The following LRRTM3 variants were observed in gnomAD, a reference collection of about 807,000 sequenced individuals.
LRRTM3 encodes leucine-rich repeat transmembrane neuronal protein 3.
Under a neutral mutation model 44.7 loss-of-function variants are expected in LRRTM3, and 24 were observed. That is an observed-to-expected ratio of 0.54 (90% CI 0.39 to 0.76). LRRTM3 has a LOEUF of 0.76. Ranked by LOEUF, LRRTM3 falls within the 30% of genes least tolerant of loss-of-function variation. The probability of loss-of-function intolerance (pLI) is 0.00; values close to 1 mark genes in which losing one functional copy is unlikely to be tolerated. For missense variants in LRRTM3, 587 were observed against 702.2 expected (o/e 0.84, Z 1.85); for synonymous variants, 277 against 278.7 (o/e 0.99, Z 0.06).
intron 2 of LRRTM3, among the ~76,000 whole-genome samples, chr10:66,976,686 T>C (rs1174595515): frequency 6.6e-6 from 1 of 152,222 alleles, no homozygotes; most frequent in Non-Finnish European, 1.5e-5. Flanking sequence ...TCTGCCACAC[T>C]GATCTATTTA....
rs190008873 is a variant in LRRTM3, at chr10:67,097,489, C to A, written c.1537-98C>A. On this transcript the variant is annotated intron_variant, in intron 2 of 2. Coordinates refer to ENST00000361320, the MANE Select transcript of LRRTM3 (RefSeq NM_178011.5). ...TGGGCCACAGGGCCACAGATATAAC[C>A]ATGGAGGTTAGTCAGGTCAGCACTT... 2.1e-4 allele frequency: 212 copies of A among 1,024,988 alleles called. 2 individuals carry two copies. The East Asian group carries it at 4.2e-3, about 20-fold the overall frequency. The allele number at this position is 1,024,988 out of a possible 1,614,324, so 63.5% of individuals were successfully genotyped here.
At chr10:67,067,995 T>G (rs1856197237) in intron 2 of LRRTM3, among the ~76,000 whole-genome samples, 1 of 152,182 alleles carries the variant, frequency 6.6e-6, no homozygotes, top group African/African-American at 2.4e-5. Context: ...AGTGTCAAAT[T>G]AGTAGGTAAT....
chr10:67,058,090 C>T (rs1443382953), intron 2 of LRRTM3, among the ~76,000 whole-genome samples: 1 of 152,148 alleles, frequency 6.6e-6, no homozygotes, highest in Non-Finnish European at 1.5e-5. Context: ...TTCTTGCATG[C>T]TGGTGTCTCT....
chr10:67,049,304 T>C (rs1204920630), intron 2 of LRRTM3, among the ~76,000 whole-genome samples: 1 of 152,056 alleles, frequency 6.6e-6, no homozygotes, highest in Non-Finnish European at 1.5e-5. Context: ...CAACCAATGA[T>C]GAAGGCTCAA....
Position 67,045,527 on chromosome 10 carries a change from C to T in LRRTM3, c.1537-52060C>T, listed in dbSNP as rs561252525. 2.3e-4 allele frequency among the ~76,000 whole-genome samples: 35 copies of T among 152,258 alleles called. No individual in the cohort carries two copies. In the South Asian group the frequency reaches 7.0e-3, roughly 31 times the overall value. ...AACTGTTCTGCTACGTAGGAAACCC[C>T]GACCCAGAAGCAGATAGTCTACGAA... is the stretch of plus-strand genomic sequence containing the variant. On this transcript the variant is annotated intron_variant, in intron 2 of 2. Coordinates refer to ENST00000361320, the MANE Select transcript of LRRTM3 (RefSeq NM_178011.5).
intron 2 of LRRTM3, among the ~76,000 whole-genome samples, chr10:67,069,401 A>C (rs943642625): frequency 6.6e-6 from 1 of 152,122 alleles, no homozygotes; most frequent in African/African-American, 2.4e-5. Context: ...TTATTAACTC[A>C]AAAAACGCTC....
At chr10:66,933,833 T>C (rs1847542606) in intron 2 of LRRTM3, among the ~76,000 whole-genome samples, 1 of 152,198 alleles carries the variant, frequency 6.6e-6, no homozygotes, top group Non-Finnish European at 1.5e-5. Flanking sequence ...ATGTAGCTGC[T>C]CTTACCAATA....
intron 2 of LRRTM3, among the ~76,000 whole-genome samples, chr10:66,989,092 G>A (rs889451769): frequency 6.6e-6 from 1 of 151,922 alleles, no homozygotes; most frequent in African/African-American, 2.4e-5. Context: ...GTATTTCCTG[G>A]AAATTGTATC....
intron 2 of LRRTM3, among the ~76,000 whole-genome samples, chr10:67,039,433 T>C (rs1434422054): frequency 6.6e-6 from 1 of 152,130 alleles, no homozygotes; most frequent in Non-Finnish European, 1.5e-5. Context: ...CATTCGAATG[T>C]TCAGAAATTC....
At chr10:67,035,334 T>A (rs930864865) in intron 2 of LRRTM3, among the ~76,000 whole-genome samples, 1 of 152,190 alleles carries the variant, frequency 6.6e-6, no homozygotes, top group African/African-American at 2.4e-5. Flanking sequence ...TGTCAAAATA[T>A]AATGTTGAGA....
intron 2 of LRRTM3, among the ~76,000 whole-genome samples, chr10:66,984,146 C>T (rs534433846): frequency 1.4e-3 from 84 of 61,258 alleles, no homozygotes; most frequent in African/African-American, 2.9e-3. Flanking sequence ...AGGAGTCATC[C>T]GCTACCAAAA....
At chr10:67,040,354 T>C (rs969786234) in intron 2 of LRRTM3, among the ~76,000 whole-genome samples, 1 of 152,070 alleles carries the variant, frequency 6.6e-6, no homozygotes, top group Non-Finnish European at 1.5e-5. Flanking sequence ...ACAACCTCAG[T>C]AGTAACTAGG....
chr10:67,078,152 A>G (rs564894772), intron 2 of LRRTM3, among the ~76,000 whole-genome samples: 1 of 152,308 alleles, frequency 6.6e-6, no homozygotes, highest in Admixed American at 6.5e-5. Flanking sequence ...AGGTATTCTG[A>G]AAGTCTCCAA....
intron 2 of LRRTM3, among the ~76,000 whole-genome samples, chr10:67,002,689 T>C (rs1453935499): frequency 6.6e-6 from 1 of 152,108 alleles, no homozygotes; most frequent in African/African-American, 2.4e-5. Context: ...TAAAACTTGT[T>C]TCCAAAAATC....
At chr10:67,075,796 G>A (rs1330188170) in intron 2 of LRRTM3, among the ~76,000 whole-genome samples, 1 of 152,166 alleles carries the variant, frequency 6.6e-6, no homozygotes, top group Non-Finnish European at 1.5e-5. Context: ...CACATTCAAA[G>A]CCATCTATTT....
chr10:67,030,701 A>C (rs1461907391), intron 2 of LRRTM3, among the ~76,000 whole-genome samples: 1 of 152,124 alleles, frequency 6.6e-6, no homozygotes, highest in Non-Finnish European at 1.5e-5. Flanking sequence ...AGATAATTTA[A>C]TCCAGAATAT....
chr10:67,069,715 A>G (rs1008538101), intron 2 of LRRTM3, among the ~76,000 whole-genome samples: 5 of 152,096 alleles, frequency 3.3e-5, no homozygotes, highest in Non-Finnish European at 5.9e-5. Flanking sequence ...CTCACTCAAC[A>G]TTATGTTTAT....
intron 2 of LRRTM3, among the ~76,000 whole-genome samples, chr10:66,986,361 G>A (rs1426070685): frequency 6.6e-6 from 1 of 152,036 alleles, no homozygotes; most frequent in Non-Finnish European, 1.5e-5. Context: ...GCCAGGCATG[G>A]TGGCACATGC....
At position 66,927,392 on chromosome 10, in the gene LRRTM3, T is replaced by A; in HGVS notation, c.476T>A (p.Leu159Gln). 6.2e-7 allele frequency: 1 copy of A among 1,614,172 alleles called. No individual in the cohort carries two copies. Among genetic ancestry groups the A allele is most frequent in the Non-Finnish European group, 8.5e-7 (1 of 1,180,026 alleles). ...GSEQFRGLRK[L>Q]LSLHLRSNSL... The stretch of plus-strand genomic sequence containing the variant: ...GAACAGTTTCGGGGCTTGCGGAAGC[T>A]GCTGAGTTTACATTTACGGTCTAAC... Residue 159 changes from leucine to glutamine, a missense_variant, in exon 2 of 3, where the codon CTG becomes CAG. Leu to Gln is a moderately radical substitution (Grantham distance 113). This residue lies in a region of LRRTM3 where 222 missense variants were observed against 323.3 expected (regional missense o/e 0.69). Coordinates refer to ENST00000361320, the MANE Select transcript of LRRTM3 (RefSeq NM_178011.5). This position sits in a 1 kb window ranked among gnomAD's most constrained non-coding sequence, Gnocchi z 4.7.
Sources: gnomAD v4.1 joint callset for allele counts (sites outside exome capture counted in the v4.1 genomes callset) on GRCh38, gnomAD v4.1.1 for gene constraint, gnomAD v4.1.1 regional missense constraint, Gnocchi (gnomAD v3.1) non-coding constraint, MANE v1.5 for transcripts, NCBI Gene and HGNC (gene_info 2026-07-23, HGNC 2026-07-21) for gene names.